The following RNF220 variants were observed in gnomAD, a reference collection of about 807,000 sequenced individuals.
The protein encoded by RNF220 is E3 ubiquitin-protein ligase RNF220.
Under a neutral mutation model 67.1 loss-of-function variants are expected in RNF220, and 7 were observed. That is an observed-to-expected ratio of 0.10 (90% CI 0.06 to 0.20). The LOEUF (loss-of-function observed/expected upper bound fraction) is 0.20, where lower values mean the gene tolerates loss of function less well. RNF220 is among the 10% of genes least tolerant of loss of function. The pLI, the probability that RNF220 is intolerant of heterozygous loss-of-function variation, is 1.00. For missense variants in RNF220, 565 were observed against 740.3 expected (o/e 0.76, Z 2.75); for synonymous variants, 270 against 283.2 (o/e 0.95, Z 0.47).
intron 9 of RNF220, 23 bp downstream of exon 9, chr1:44,644,817 G>T (rs766061302): frequency 9.4e-6 from 15 of 1,589,312 alleles, no homozygotes; most frequent in Non-Finnish European, 1.3e-5. Context: ...CACTATGGGG[G>T]CTGGTGGGGC....
chr1:44,632,549 A>G, intron 6 of RNF220, 164 bp downstream of exon 6: 1 of 699,808 alleles, frequency 1.4e-6, no homozygotes, highest in Non-Finnish European at 2.5e-6. Flanking sequence ...TGCCGCTCTC[A>G]GTTTCCCCGT....
At position 44,649,536 on chromosome 1, in the gene RNF220, AG is replaced by A. The variant is rs1573203074; in HGVS notation, c.1446-120del. The A allele has an allele frequency of 4.9e-6, 4 of 822,646 alleles. No individual in the cohort carries two copies. The East Asian group carries it at 9.7e-5, about 20-fold the overall frequency. 51.0% of individuals were successfully genotyped at this position (822,646 alleles called of 1,614,324 possible). On this transcript the variant is annotated intron_variant, in intron 12 of 14. Transcript: ENST00000361799. The surrounding 1 kb of genome is among the most constrained non-coding windows in gnomAD (Gnocchi z 5.9). The stretch of plus-strand genomic sequence containing the variant: ...TTTGCAGATTCAGGTTATCAGAGAA[AG>A]GGGGCAGGCAGGGATGCCTAGGGGA...
rs1657335996 is a variant in RNF220, at chr1:44,496,213, G to A, written c.625+83491G>A. Reference sequence around the variant, plus strand: ...GACAAATCAATTTGAAGGGGAGAATGAGCTCAGCTTTTGACAAACTGAATT... The same window carrying A: ...GACAAATCAATTTGAAGGGGAGAATAAGCTCAGCTTTTGACAAACTGAATT... On this transcript the variant is annotated intron_variant, in intron 2 of 14. Coordinates refer to ENST00000361799, the MANE Select transcript of RNF220 (RefSeq NM_018150.4). 1.3e-5 allele frequency among the ~76,000 whole-genome samples: 2 copies of A among 152,018 alleles called. 1 individual carries two copies. The highest frequency in any genetic ancestry group is 4.1e-4 in the South Asian group (2 of 4,828).
At chr1:44,422,882 G>A (rs545364338) in intron 2 of RNF220, among the ~76,000 whole-genome samples, 8 of 152,328 alleles carry the variant, frequency 5.3e-5, no homozygotes, top group East Asian at 1.9e-4. Context: ...TAAAACTGTC[G>A]CAGAGTATGT....
intron 12 of RNF220, chr1:44,648,732 T>G (rs1235638196): frequency 1.3e-5 from 2 of 152,280 alleles, no homozygotes; most frequent in African/African-American, 4.8e-5. Flanking sequence ...TCCCTGCATC[T>G]GTCCCCCTCT....
intron 2 of RNF220, among the ~76,000 whole-genome samples, chr1:44,535,135 CTTTTTT>C (rs903715852): frequency 9.7e-6 from 1 of 103,010 alleles, no homozygotes; most frequent in Non-Finnish European, 1.9e-5. Flanking sequence ...GCAGCTTCTT[CTTTTTT>C]TTTTTTTTTT....
chr1:44,618,394 C>G (rs1643650662), intron 3 of RNF220, among the ~76,000 whole-genome samples: 1 of 152,228 alleles, frequency 6.6e-6, no homozygotes, highest in Non-Finnish European at 1.5e-5. Context: ...TGCACAGACA[C>G]TTACAGGAAG....
intron 2 of RNF220, among the ~76,000 whole-genome samples, chr1:44,535,015 C>T (rs896988969): frequency 6.6e-6 from 1 of 152,078 alleles, no homozygotes; most frequent in Non-Finnish European, 1.5e-5. Flanking sequence ...CAAGTTACTG[C>T]TAATCTCCGT....
intron 8 of RNF220, among the ~76,000 whole-genome samples, chr1:44,641,027 T>C (rs1469116687): frequency 1.3e-5 from 2 of 152,112 alleles, no homozygotes; most frequent in Admixed American, 6.6e-5. Flanking sequence ...ATCTGATCAA[T>C]TGATTAAATT....
At chr1:44,405,718 C>G (rs1451868127) in intron 1 of RNF220, among the ~76,000 whole-genome samples, 188 bp downstream of exon 1, 1 of 151,992 alleles carries the variant, frequency 6.6e-6, no homozygotes, top group Non-Finnish European at 1.5e-5. Flanking sequence ...GCGACGGAGC[C>G]TCTCGGCATC....
At chr1:44,577,482 C>A (rs1664894794) in intron 2 of RNF220, among the ~76,000 whole-genome samples, 1 of 152,216 alleles carries the variant, frequency 6.6e-6, no homozygotes, top group Admixed American at 6.5e-5. Flanking sequence ...CTTTATGTGT[C>A]CATCCCTGAT....
Position 44,412,421 on chromosome 1 carries a change from A to T in RNF220, c.324A>T (p.Pro108=). 1 of 1,613,118 alleles carries T rather than the reference A, an allele frequency of 6.2e-7. No homozygotes were observed. Among genetic ancestry groups the T allele is most frequent in the Non-Finnish European group, 8.5e-7 (1 of 1,179,254 alleles). The change falls in exon 2 of 15, where the codon CCA becomes CCT. Residue 108 remains proline (P), a synonymous_variant. Transcript: ENST00000361799. This position sits in a 1 kb window ranked among gnomAD's most constrained non-coding sequence, Gnocchi z 5.3. ...CTCCCCCAAATCTAGATTGCACCCC[A>T]ATCAGTATGCTGAATCATAGTGGTG... is the stretch of plus-strand genomic sequence containing the variant. The part of the protein sequence containing the change: ...QFAPPNLDCT[P]ISMLNHSGVG...
At chr1:44,618,068 C>A (rs554654922) in intron 3 of RNF220, among the ~76,000 whole-genome samples, 1 of 152,172 alleles carries the variant, frequency 6.6e-6, no homozygotes, top group African/African-American at 2.4e-5. Context: ...CTGGACACGT[C>A]CCCCCTCCAC....
rs185448656 is a variant in RNF220, at chr1:44,419,090, A to T, written c.625+6368A>T. ...TATTTGCTGCTAAGAGTTTAACAGC[A>T]TTTCCCAGTGCCATTTTATCCCGTC... is the stretch of plus-strand genomic sequence containing the variant. On this transcript the variant is annotated intron_variant, in intron 2 of 14. Transcript: ENST00000361799. Among the ~76,000 whole-genome samples, 18 of 152,354 alleles carry T rather than the reference A, an allele frequency of 1.2e-4. 1 individual carries two copies. The highest frequency in any genetic ancestry group is 3.3e-4 in the Admixed American group (5 of 15,310).
At chr1:44,636,203 A>C in intron 8 of RNF220, 41 bp downstream of exon 8, 2 of 1,573,056 alleles carry the variant, frequency 1.3e-6, no homozygotes, top group Middle Eastern at 1.7e-4. Context: ...CTCTGGTGCC[A>C]GGCCTCTGCT....
rs568204993 is a variant in RNF220, at chr1:44,572,438, T to A, written c.626-41727T>A. On this transcript the variant is annotated intron_variant, in intron 2 of 14. Transcript: ENST00000361799. ...GCACCCCGCCACTGCTCTTATAATA[T>A]GCATCATGTGGTTCTGTAATTCCTG... 2.6e-4 allele frequency among the ~76,000 whole-genome samples: 40 copies of A among 152,360 alleles called. 2 individuals carry two copies. The South Asian group carries it at 7.5e-3, about 28-fold the overall frequency.
intron 2 of RNF220, among the ~76,000 whole-genome samples, chr1:44,585,996 C>T (rs1293802917): frequency 6.6e-6 from 1 of 152,176 alleles, no homozygotes; most frequent in African/African-American, 2.4e-5. Context: ...CCTCCCTGTT[C>T]TTCCTGCCTC....
At chr1:44,456,823 C>T (rs146283571) in intron 2 of RNF220, among the ~76,000 whole-genome samples, 122 of 152,308 alleles carry the variant, frequency 8.0e-4, no homozygotes, top group South Asian at 1.9e-3. Context: ...CTCTCCCTCT[C>T]TGGCCTCATA....
intron 2 of RNF220, among the ~76,000 whole-genome samples, chr1:44,611,231 T>C (rs1318553190): frequency 6.6e-6 from 1 of 152,256 alleles, no homozygotes; most frequent in Non-Finnish European, 1.5e-5. Context: ...GCCAATGCTA[T>C]TCCTGAAGCT....
Sources: allele counts gnomAD v4.1 joint callset (sites outside exome capture counted in the v4.1 genomes callset), GRCh38; gene constraint gnomAD v4.1.1; non-coding constraint Gnocchi (gnomAD v3.1); transcripts MANE v1.5; gene names NCBI Gene and HGNC (gene_info 2026-07-23, HGNC 2026-07-21).